LRIT3: variants seen among roughly 807,000 people sequenced by gnomAD.
The protein encoded by LRIT3 is leucine-rich repeat, immunoglobulin-like domain and transmembrane domain-containing protein 3.
In LRIT3, 14 loss-of-function variants were observed where a neutral mutation model predicts 22.6. The observed-to-expected ratio is 0.62, with a 90% CI of 0.41 to 0.97. The LOEUF (loss-of-function observed/expected upper bound fraction) is 0.97, where lower values mean the gene tolerates loss of function less well. Among genes scored for constraint, LRIT3 ranks in the 50% least tolerant of loss-of-function variants. The pLI, the probability that LRIT3 is intolerant of heterozygous loss-of-function variation, is 0.00. For missense variants in LRIT3, 783 were observed against 803.0 expected (o/e 0.98, Z 0.30); for synonymous variants, 306 against 304.5 (o/e 1.01, Z -0.05).
intron 2 of LRIT3, among the ~76,000 whole-genome samples, chr4:109,856,403 T>G (rs1213311170): frequency 6.6e-6 from 1 of 152,160 alleles, no homozygotes; most frequent in Non-Finnish European, 1.5e-5. Context: ...GCACAAATTA[T>G]ACACAGAACA....
Position 109,871,409 on chromosome 4 carries a change from A to G in LRIT3, c.*620A>G, listed in dbSNP as rs1398335621. 6.6e-6 allele frequency: 1 copy of G among 152,240 alleles called. No homozygotes were observed. 9.4% of individuals were successfully genotyped at this position (152,240 alleles called of 1,614,324 possible). ...TAGGTATTAGCAAAAGTAAGTATAC[A>G]AAGAGGATTATGACAAATAGACCAT... On this transcript the variant is annotated 3_prime_UTR_variant, in exon 4 of 4. Transcript: ENST00000594814.
intron 2 of LRIT3, 43 bp from the exon 3 acceptor site, chr4:109,867,598 C>T (rs753507832): frequency 1.3e-5 from 21 of 1,561,986 alleles, no homozygotes; most frequent in Middle Eastern, 3.4e-4. Flanking sequence ...AAACTGAAGT[C>T]ATCAGAATAA....
chr4:109,868,811 A>G (rs1461259773), intron 3 of LRIT3, among the ~76,000 whole-genome samples: 1 of 152,214 alleles, frequency 6.6e-6, no homozygotes, highest in Non-Finnish European at 1.5e-5. Context: ...TCAGGTTGAA[A>G]TAATGAAACC....
intron 1 of LRIT3, among the ~76,000 whole-genome samples, chr4:109,850,632 G>A (rs2347129): frequency 0.47 from 70,047 of 150,530 alleles, 19,624 homozygotes; most frequent in Non-Finnish European, 0.64. Flanking sequence ...ACCTACCACC[G>A]CGCCTGGCTA....
intron 2 of LRIT3, among the ~76,000 whole-genome samples, chr4:109,857,561 C>T (rs1315473668): frequency 2.6e-5 from 4 of 152,102 alleles, no homozygotes; most frequent in Non-Finnish European, 5.9e-5. Flanking sequence ...TGGGGAACAA[C>T]AAGCCTTGGC....
At chr4:109,851,277 A>G in intron 1 of LRIT3, 1 of 526,154 alleles carries the variant, frequency 1.9e-6, no homozygotes, top group South Asian at 2.6e-5. Flanking sequence ...TGGGAAAATG[A>G]GGTTGAGACA....
At chr4:109,850,431 CTT>C (rs1734210438) in intron 1 of LRIT3, among the ~76,000 whole-genome samples, 1 of 82,724 alleles carries the variant, frequency 1.2e-5, no homozygotes, top group Admixed American at 1.5e-4. Context: ...TCCTTTCTTT[CTT>C]TCTTTCTTTC....
rs954590187 is a variant in LRIT3, at chr4:109,851,612, G to T, written c.225G>T (p.Glu75Asp). Reference sequence around the variant, plus strand: ...CTGTCATCCGCAGAATCTCTGCGGAGGCCTTCTATTACCTGGTGGAGCTCC... The same window carrying T: ...CTGTCATCCGCAGAATCTCTGCGGATGCCTTCTATTACCTGGTGGAGCTCC... ...EKTVIRRISA[E>D]AFYYLVELQY... The change falls in exon 2 of 4, where the codon GAG (glutamate) becomes GAT (aspartate). Residue 75 changes from glutamate (E) to aspartate (D), a missense_variant. Physicochemically the swap from Glu to Asp is conservative, Grantham distance 45 (BLOSUM62 2). Coordinates refer to ENST00000594814, the MANE Select transcript of LRIT3 (RefSeq NM_198506.5). 1 of 1,551,740 alleles carries T rather than the reference G, an allele frequency of 6.4e-7. No homozygotes were observed. The highest frequency in any genetic ancestry group is 8.7e-7 in the Non-Finnish European group (1 of 1,146,994).
intron 2 of LRIT3, among the ~76,000 whole-genome samples, chr4:109,856,930 G>A (rs1734418938): frequency 6.6e-6 from 1 of 152,086 alleles, no homozygotes; most frequent in South Asian, 2.1e-4. Flanking sequence ...TGCAATTAAT[G>A]TAAAAATAAA....
chr4:109,870,534 C>T lies in LRIT3; in HGVS notation c.1785C>T (p.Ile595=). ...LVVTSTACVV[I]LPLICFLLYK... is the part of the protein sequence containing the mutation. ...TGACCAGTACTGCCTGTGTTGTTAT[C>T]TTACCATTGATTTGTTTCTTGTTGT... The change falls in exon 4 of 4, where the codon ATC becomes ATT. Residue 595 remains isoleucine, a synonymous_variant. Coordinates refer to ENST00000594814, the MANE Select transcript of LRIT3 (RefSeq NM_198506.5). The T allele has an allele frequency of 6.2e-7, 1 of 1,614,204 alleles. No individual in the cohort carries two copies. Among genetic ancestry groups the T allele is most frequent in the Non-Finnish European group, 8.5e-7 (1 of 1,180,042 alleles).
intron 2 of LRIT3, among the ~76,000 whole-genome samples, chr4:109,859,325 G>A (rs1163870567): frequency 2.6e-5 from 4 of 152,150 alleles, no homozygotes; most frequent in African/African-American, 9.7e-5. Flanking sequence ...GTCACATGGG[G>A]ATGAAGTAAT....
chr4:109,867,926 G>A lies in LRIT3; in HGVS notation c.875G>A (p.Ser292Asn). The A allele has an allele frequency of 1.2e-6, 2 of 1,610,646 alleles. No individual in the cohort carries two copies. The highest frequency in any genetic ancestry group is 1.7e-6 in the Non-Finnish European group (2 of 1,177,856). Residue 292 changes from serine to asparagine, a missense_variant, in exon 3 of 4, where the codon AGC (serine) becomes AAC (asparagine). Ser to Asn is a conservative substitution (Grantham distance 46, BLOSUM62 1). Transcript: ENST00000594814. ...TPQITWTRSD[S>N]SPVNYTVIQE... is the part of the protein sequence containing the mutation. ...CAGATCACATGGACCAGATCTGACA[G>A]CTCGCCAGTTAATTATACAGGTATT...
Position 109,870,336 on chromosome 4 carries a change from G to A in LRIT3, c.1587G>A (p.Leu529=). Residue 529 remains leucine (L), a synonymous_variant, in exon 4 of 4, where the codon CTG becomes CTA. Transcript: ENST00000594814. ...AGTATGGTGGGAAGGACCTGCTGCT[G>A]TTGAATGCAGACTCCAGCAAGAACC... The part of the protein sequence containing the change: ...YSKYGGKDLL[L]LNADSSKNQV... 2 of 1,614,222 alleles carry A rather than the reference G, an allele frequency of 1.2e-6. No homozygotes were observed. The highest frequency in any genetic ancestry group is 8.5e-7 in the Non-Finnish European group (1 of 1,180,034).
At chr4:109,851,458 G>A (rs757344447) in intron 1 of LRIT3, 46 bp from the exon 2 acceptor site, 1 of 1,470,040 alleles carries the variant, frequency 6.8e-7, no homozygotes, top group Non-Finnish European at 9.0e-7. Flanking sequence ...TTTCAAATGG[G>A]TGTTGGAAAG....
chr4:109,848,361 A>C, intron 1 of LRIT3, 44 bp downstream of exon 1: 1 of 1,072,146 alleles, frequency 9.3e-7, no homozygotes, highest in Non-Finnish European at 1.2e-6. Flanking sequence ...TTATTTTGAC[A>C]AAAAGGACCC....
rs6841737 is a variant in LRIT3 at position 109,869,469 on chromosome 4, T to C, written c.896-176T>C. 0.2 allele frequency among the ~76,000 whole-genome samples: 30,051 copies of C among 151,920 alleles called. 3,517 individuals are homozygous for C. Among genetic ancestry groups the C allele is most frequent in the Admixed American group, 0.34 (5,105 of 15,226 alleles). On this transcript the variant is annotated intron_variant, in intron 3 of 3. Coordinates refer to ENST00000594814, the MANE Select transcript of LRIT3 (RefSeq NM_198506.5). ...ACAACACCTGGCAGGTCCTAGACCT[T>C]GATGTAAGCAGTTTGCAGAACTATC... is the stretch of plus-strand genomic sequence containing the variant.
intron 2 of LRIT3, among the ~76,000 whole-genome samples, chr4:109,862,540 A>G (rs1285871002): frequency 1.3e-5 from 2 of 152,210 alleles, no homozygotes; most frequent in African/African-American, 4.8e-5. Flanking sequence ...CATAACTTTT[A>G]TATATAACCA....
At chr4:109,849,105 A>G (rs1734147075) in intron 1 of LRIT3, among the ~76,000 whole-genome samples, 1 of 152,226 alleles carries the variant, frequency 6.6e-6, no homozygotes, top group Non-Finnish European at 1.5e-5. Flanking sequence ...CTCAGATAAA[A>G]TAATTTGTTA....
chr4:109,850,422 C>CCTTTCTTTCTTT (rs1251866042), intron 1 of LRIT3, among the ~76,000 whole-genome samples: 30 of 55,098 alleles, frequency 5.4e-4, no homozygotes, highest in African/African-American at 1.6e-3. Context: ...TTCCTTCCTT[C>CCTTTCTTTCTTT]CTTTCTTTCT....
Sources: allele counts gnomAD v4.1 joint callset (sites outside exome capture counted in the v4.1 genomes callset), GRCh38; gene constraint gnomAD v4.1.1; transcripts MANE v1.5; gene names NCBI Gene and HGNC (gene_info 2026-07-23, HGNC 2026-07-21).